LARP7: variants seen among roughly 807,000 people sequenced by gnomAD.
LARP7 encodes La ribonucleoprotein 7, transcriptional regulator, also known as la-related protein 7.
Under a neutral mutation model 69.3 loss-of-function variants are expected in LARP7, and 52 were observed. The observed-to-expected ratio is 0.75, with a 90% CI of 0.60 to 0.95. The LOEUF is 0.95. Among genes scored for constraint, LARP7 ranks in the 40% least tolerant of loss-of-function variants. LARP7 has a pLI of 0.00. For synonymous variants in LARP7, 254 were observed against 215.9 expected (o/e 1.18, Z -1.55); for missense variants, 733 against 673.0 (o/e 1.09, Z -0.99).
intron 3 of LARP7, 40 bp from the exon 4 acceptor site, chr4:112,646,548 A>T (rs777560247): frequency 6.1e-6 from 8 of 1,302,576 alleles, no homozygotes; most frequent in Non-Finnish European, 8.4e-6. Flanking sequence ...TACAATTATA[A>T]ATAATATTAG....
In LARP7 at chr4:112,641,446, G is replaced by C. The variant is rs1384229747; in HGVS notation, c.-2-3222G>C. ...TTTGTGTAAGGAATTGGCATGATCT[G>C]ATTTACATATTTAAATGGTAATTCT... On this transcript the variant is annotated intron_variant, in intron 1 of 12. Transcript: ENST00000344442. 1.3e-5 allele frequency among the ~76,000 whole-genome samples: 2 copies of C among 152,016 alleles called. 1 individual carries two copies. Among genetic ancestry groups the C allele is most frequent in the South Asian group, 4.1e-4 (2 of 4,824 alleles).
At position 112,647,702 on chromosome 4, in the gene LARP7, C is replaced by G. The variant is rs765125762; in HGVS notation, c.1010C>G (p.Ser337Cys). 2 of 1,535,380 alleles carry G rather than the reference C, an allele frequency of 1.3e-6. No homozygotes were observed. Among genetic ancestry groups the G allele is most frequent in the Admixed American group, 2.2e-5 (1 of 46,338 alleles). ...ASKENRDIEISTEEEKDTGDL... is the reference protein window; with the variant it reads ...ASKENRDIEICTEEEKDTGDL... ...TATTTATTTCAAGATATAGAAATCT[C>G]TACTGAAGAGGAAAAGGATACTGGA... Residue 337 changes from serine (S) to cysteine (C), a missense_variant, in exon 8 of 13, where the codon TCT becomes TGT. Physicochemically the swap from Ser to Cys is moderately radical, Grantham distance 112. Coordinates refer to ENST00000344442, the MANE Select transcript of LARP7 (RefSeq NM_016648.4).
intron 12 of LARP7, chr4:112,655,340 T>G (rs2048912254): frequency 6.6e-6 from 1 of 152,250 alleles, no homozygotes; most frequent in Admixed American, 6.5e-5. Flanking sequence ...ATAAACCTTT[T>G]ATTTTTCATT....
At chr4:112,646,502 G>T in intron 3 of LARP7, 51 bp downstream of exon 3, 1 of 1,275,834 alleles carries the variant, frequency 7.8e-7, no homozygotes, top group Non-Finnish European at 1.1e-6. Flanking sequence ...TAATTATAAA[G>T]AATGTTAACG....
rs557219694 is a variant in LARP7 at position 112,648,237 on chromosome 4, A to T, written c.1142+403A>T. 5 of 532,218 alleles carry T rather than the reference A, an allele frequency of 9.4e-6. No individual in the cohort carries two copies. In the Admixed American group the frequency reaches 9.7e-5, roughly 10 times the overall value. The allele number at this position is 532,218 out of a possible 1,614,324, so 33.0% of individuals were successfully genotyped here. ...CTTTAGTTTCAAAGCAAGTACATCCACGTTTAAGTGGTGGGGAGCCCAGTC... is the reference window on the plus strand; with the variant it reads ...CTTTAGTTTCAAAGCAAGTACATCCTCGTTTAAGTGGTGGGGAGCCCAGTC... On this transcript the variant is annotated intron_variant, in intron 8 of 12. Transcript: ENST00000344442.
chr4:112,642,091 A>G (rs1265209046), intron 1 of LARP7, among the ~76,000 whole-genome samples: 1 of 152,222 alleles, frequency 6.6e-6, no homozygotes, highest in Non-Finnish European at 1.5e-5. Context: ...TTTGGAAGCT[A>G]TATGAAGAAA....
At chr4:112,637,324 C>CATA (rs758352800) in intron 1 of LARP7, 85 bp downstream of exon 1, 4 of 152,444 alleles carry the variant, frequency 2.6e-5, no homozygotes, top group African/African-American at 4.8e-5. Context: ...TCCACTCTAT[C>CATA]ATCTATCGTC....
At chr4:112,640,168 A>G (rs2047904540) in intron 1 of LARP7, among the ~76,000 whole-genome samples, 2 of 151,910 alleles carry the variant, frequency 1.3e-5, no homozygotes, top group South Asian at 4.1e-4. Context: ...TGAACTTCTG[A>G]CCTCAAGTGA....
intron 12 of LARP7, among the ~76,000 whole-genome samples, chr4:112,656,293 G>A (rs2048952435): frequency 6.6e-6 from 1 of 152,162 alleles, no homozygotes; most frequent in South Asian, 2.1e-4. Flanking sequence ...AGCTACTGGG[G>A]AGGCTGAGGC....
chr4:112,644,493 A>G (rs1454625342), intron 1 of LARP7, 175 bp from the exon 2 acceptor site: 2 of 1,159,868 alleles, frequency 1.7e-6, no homozygotes, highest in Non-Finnish European at 2.3e-6. Flanking sequence ...TAGAAGGTAA[A>G]TTATTTTTAA....
At chr4:112,638,673 GGTGA>G (rs1286504022) in intron 1 of LARP7, among the ~76,000 whole-genome samples, 1 of 152,138 alleles carries the variant, frequency 6.6e-6, no homozygotes, top group Non-Finnish European at 1.5e-5. Context: ...TAAGATTATA[GGTGA>G]GTAATAGGCA....
At position 112,649,568 on chromosome 4, in the gene LARP7, A is replaced by T. The variant is rs776549386; in HGVS notation, c.1176A>T (p.Leu392Phe). The T allele has an allele frequency of 1.9e-6, 3 of 1,605,864 alleles. No individual in the cohort carries two copies. The South Asian group carries it at 3.3e-5, about 18-fold the overall frequency. The change falls in exon 9 of 13, where the codon TTA (leucine) becomes TTT (phenylalanine). Residue 392 changes from leucine (L) to phenylalanine (F), a missense_variant. Leu to Phe is a conservative substitution (Grantham distance 22). Coordinates refer to ENST00000344442, the MANE Select transcript of LARP7 (RefSeq NM_016648.4). ...GGATGGATTTGAAAAAAGAGTATTT[A>T]GCGCTACAAAAAGCTAGCATGGCTT... is the stretch of plus-strand genomic sequence containing the variant. The part of the protein sequence containing the change: ...SEWMDLKKEY[L>F]ALQKASMASL...
intron 3 of LARP7, 65 bp from the exon 4 acceptor site, chr4:112,646,523 T>C (rs1393382949): frequency 2.4e-5 from 30 of 1,253,830 alleles, no homozygotes; most frequent in Non-Finnish European, 3.1e-5. Context: ...TAATGATTAT[T>C]ATATGATTAT....
intron 1 of LARP7, among the ~76,000 whole-genome samples, chr4:112,639,779 A>G (rs1196587104): frequency 2.0e-5 from 3 of 152,178 alleles, no homozygotes; most frequent in African/African-American, 7.2e-5. Flanking sequence ...GATGAGAGCC[A>G]TTTCAAAAGT....
chr4:112,644,148 A>G (rs1213928630), intron 1 of LARP7, among the ~76,000 whole-genome samples: 1 of 150,522 alleles, frequency 6.6e-6, no homozygotes, highest in Non-Finnish European at 1.5e-5. Flanking sequence ...AGACTGAGGC[A>G]GGAGAATTGC....
chr4:112,638,286 G>A (rs1450626339), intron 1 of LARP7, among the ~76,000 whole-genome samples: 1 of 151,712 alleles, frequency 6.6e-6, no homozygotes, highest in Non-Finnish European at 1.5e-5. Context: ...ACTGAGAGAG[G>A]CTGCGTCTCC....
chr4:112,640,460 G>A (rs2047917468), intron 1 of LARP7, among the ~76,000 whole-genome samples: 1 of 152,130 alleles, frequency 6.6e-6, no homozygotes, highest in Non-Finnish European at 1.5e-5. Flanking sequence ...TCAGCACTTT[G>A]AGAGGCCCAA....
At chr4:112,648,144 T>C (rs1290368851) in intron 8 of LARP7, 2 of 521,318 alleles carry the variant, frequency 3.8e-6, no homozygotes, top group Non-Finnish European at 7.8e-6. Context: ...AATAAAGTTA[T>C]TTTCTAAAAA....
chr4:112,638,716 A>G (rs1560912500), intron 1 of LARP7, among the ~76,000 whole-genome samples: 1 of 152,252 alleles, frequency 6.6e-6, no homozygotes, highest in Non-Finnish European at 1.5e-5. Context: ...TGAATACATC[A>G]TAGAATAACT....
Sources: gnomAD v4.1 joint callset for allele counts (sites outside exome capture counted in the v4.1 genomes callset) on GRCh38, gnomAD v4.1.1 for gene constraint, MANE v1.5 for transcripts, NCBI Gene and HGNC (gene_info 2026-07-23, HGNC 2026-07-21) for gene names.